PNPLA2: variants seen among roughly 807,000 people sequenced by gnomAD.
The protein encoded by PNPLA2 is patatin like domain 2, triacylglycerol lipase, also known as patatin-like phospholipase domain-containing protein 2.
In PNPLA2, 28 loss-of-function variants were observed where a neutral mutation model predicts 39.7. That is an observed-to-expected ratio of 0.70 (90% CI 0.52 to 0.97). The LOEUF (loss-of-function observed/expected upper bound fraction) is 0.97, where lower values mean the gene tolerates loss of function less well. Among genes scored for constraint, PNPLA2 ranks in the 50% least tolerant of loss-of-function variants. PNPLA2 has a pLI of 0.00. For missense variants in PNPLA2, 768 were observed against 698.2 expected (o/e 1.10, Z -1.13); for synonymous variants, 392 against 321.1 (o/e 1.22, Z -2.36).
At position 821,652 on chromosome 11, in the gene PNPLA2, A is replaced by C. The variant is rs948303808; in HGVS notation, c.212A>C (p.Glu71Ala). The C allele has an allele frequency of 5.0e-6, 8 of 1,613,732 alleles. No homozygotes were observed. Among genetic ancestry groups the C allele is most frequent in the Non-Finnish European group, 6.8e-6 (8 of 1,179,942 alleles). The change falls in exon 3 of 10, where the codon GAG (glutamate) becomes GCG (alanine). Residue 71 changes from glutamate to alanine, a missense_variant. Glu to Ala is a moderately radical substitution (Grantham distance 107). Transcript: ENST00000336615. ...CLGEAGAKFI[E>A]VSKEARKRFL... ...GGTGAGGCTGGTGCCAAGTTCATTG[A>C]GGTATCTAAAGAGGCCCGGAAGCGG...
chr11:819,455 G>A (rs1192931268), intron 1 of PNPLA2, 119 bp from the exon 2 acceptor site: 2 of 1,180,886 alleles, frequency 1.7e-6, no homozygotes, highest in African/African-American at 1.6e-5. Context: ...GGTCAAGGAC[G>A]GGGGCGGGTC....
chr11:823,943 G>C, intron 7 of PNPLA2, 55 bp from the exon 8 acceptor site: 1 of 1,549,910 alleles, frequency 6.5e-7, no homozygotes, highest in Non-Finnish European at 8.7e-7. Flanking sequence ...GGGAAGCCGA[G>C]CGGGTCCTGG....
rs1274843840 is a variant in PNPLA2, at chr11:824,804, C to A, written c.1457C>A (p.Pro486His). 1.8e-5 allele frequency: 28 copies of A among 1,534,482 alleles called. No homozygotes were observed. Among genetic ancestry groups the A allele is most frequent in the Non-Finnish European group, 2.3e-5 (26 of 1,146,030 alleles). Residue 486 changes from proline to histidine, a missense_variant, in exon 10 of 10, where the codon CCC becomes CAC. Coordinates refer to ENST00000336615, the MANE Select transcript of PNPLA2 (RefSeq NM_020376.4). ...CAGCACCAGCTGGCCGGGCCTGCCC[C>A]CTTGCTGAGCACCCCTGCTCCCGAG... ...SPQHQLAGPAPLLSTPAPEAR... is the reference protein window; with the variant it reads ...SPQHQLAGPAHLLSTPAPEAR...
In PNPLA2 at chr11:824,831, C is replaced by T. The variant is rs761924298; in HGVS notation, c.1484C>T (p.Ala495Val). 8 of 1,534,564 alleles carry T rather than the reference C, an allele frequency of 5.2e-6. No individual in the cohort carries two copies. The Middle Eastern group carries it at 8.4e-4, about 160-fold the overall frequency. Residue 495 changes from alanine to valine, a missense_variant, in exon 10 of 10, where the codon GCC becomes GTC. Coordinates refer to ENST00000336615, the MANE Select transcript of PNPLA2 (RefSeq NM_020376.4). ...TTGCTGAGCACCCCTGCTCCCGAGG[C>T]CCGGCCCGTGATCGGGGCCCTGGGG... ...APLLSTPAPE[A>V]RPVIGALGL
At chr11:820,044 C>A (rs1368757194) in intron 2 of PNPLA2, 139 bp downstream of exon 2, 2 of 591,580 alleles carry the variant, frequency 3.4e-6, no homozygotes, top group African/African-American at 2.0e-5. Context: ...CCTGGGGAAC[C>A]CGGCGAGGAT....
Position 824,339 on chromosome 11 carries a change from C to T in PNPLA2, c.1078C>T (p.Pro360Ser), listed in dbSNP as rs2133850792. 1.3e-6 allele frequency: 2 copies of T among 1,551,338 alleles called. No individual in the cohort carries two copies. Among genetic ancestry groups the T allele is most frequent in the South Asian group, 1.2e-5 (1 of 84,082 alleles). Reference sequence around the variant, plus strand: ...CTTGCTGGAGTGGCTGCCCGACGTTCCCGAGGACATCCGGTGGATGAAGGA... The same window carrying T: ...CTTGCTGGAGTGGCTGCCCGACGTTTCCGAGGACATCCGGTGGATGAAGGA... ...IRLLEWLPDV[P>S]EDIRWMKEQT... The change falls in exon 9 of 10, where the codon CCC becomes TCC. Residue 360 changes from proline to serine, a missense_variant. Pro to Ser is a moderately conservative substitution (Grantham distance 74). Coordinates refer to ENST00000336615, the MANE Select transcript of PNPLA2 (RefSeq NM_020376.4).
Position 825,152 on chromosome 11 carries a change from G to A in PNPLA2, c.*290G>A, listed in dbSNP as rs1462299709. 16 of 549,120 alleles carry A rather than the reference G, an allele frequency of 2.9e-5. 1 individual carries two copies. Among genetic ancestry groups the A allele is most frequent in the South Asian group, 2.5e-4 (12 of 47,846 alleles). 34.0% of individuals were successfully genotyped at this position (549,120 alleles called of 1,614,324 possible). A position where few individuals can be genotyped will look rare whatever the true frequency, so the allele number is the denominator to read the frequency against. On this transcript the variant is annotated 3_prime_UTR_variant, in exon 10 of 10. Coordinates refer to ENST00000336615, the MANE Select transcript of PNPLA2 (RefSeq NM_020376.4). Reference sequence around the variant, plus strand: ...CTTCCCTCCCCGTTTTTCATGGCCTGCTGAAATATGTGTGTGAAGAATTAT... The same window carrying A: ...CTTCCCTCCCCGTTTTTCATGGCCTACTGAAATATGTGTGTGAAGAATTAT...
chr11:824,373 G>C lies in PNPLA2; in HGVS notation c.1112G>C (p.Gly371Ala), dbSNP rs1253697310. The part of the protein sequence containing the change: ...EDIRWMKEQT[G>A]SICQYLVMRA... Reference sequence around the variant, plus strand: ...ATCCGGTGGATGAAGGAGCAGACGGGCAGCATCTGCCAGTACCTGGTGATG... The same window carrying C: ...ATCCGGTGGATGAAGGAGCAGACGGCCAGCATCTGCCAGTACCTGGTGATG... Residue 371 changes from glycine (G) to alanine (A), a missense_variant, in exon 9 of 10, where the codon GGC (glycine) becomes GCC (alanine). Transcript: ENST00000336615. 1.3e-6 allele frequency: 2 copies of C among 1,551,520 alleles called. No homozygotes were observed. Among genetic ancestry groups the C allele is most frequent in the Admixed American group, 3.9e-5 (2 of 51,166 alleles).
chr11:819,996 C>A, intron 2 of PNPLA2, 91 bp downstream of exon 2: 1 of 1,024,834 alleles, frequency 9.8e-7, no homozygotes, highest in Non-Finnish European at 1.3e-6. Flanking sequence ...GGCCCCGCGG[C>A]GAGTCGGTGG....
chr11:821,028 C>G (rs1414690140), intron 2 of PNPLA2: 1 of 170,874 alleles, frequency 5.9e-6, no homozygotes, highest in Admixed American at 5.5e-5. Flanking sequence ...CACTCCTGAC[C>G]AGGGTGATGC....
rs1190146091 is a variant in PNPLA2, at chr11:823,800, G to C, written c.864G>C (p.Ser288=). The change falls in exon 7 of 10, where the codon TCG becomes TCC. Residue 288 remains serine (S), a synonymous_variant. Coordinates refer to ENST00000336615, the MANE Select transcript of PNPLA2 (RefSeq NM_020376.4). ...AGAGCGCCCAAGCGGAGGATTACTC[G>C]CAGCTGCCCGGAGAAGATCACATCC... is the stretch of plus-strand genomic sequence containing the variant. ...AVESAQAEDY[S]QLPGEDHILE... is the part of the protein sequence containing the mutation. 4 of 1,604,288 alleles carry C rather than the reference G, an allele frequency of 2.5e-6. No individual in the cohort carries two copies. The highest frequency in any genetic ancestry group is 3.4e-6 in the Non-Finnish European group (4 of 1,176,566).
Position 822,438 on chromosome 11 carries a change from T to C in PNPLA2, c.528T>C (p.Tyr176=), listed in dbSNP as rs753011020. ...DGGISDNLPL[Y]ELKNTITVSP... is the part of the protein sequence containing the mutation. ...GCATTTCAGACAACCTGCCACTCTA[T>C]GAGCTTAAGAACACCATCACAGTGT... The change falls in exon 5 of 10, where the codon TAT becomes TAC. Residue 176 remains tyrosine, a synonymous_variant. Transcript: ENST00000336615. 40 of 1,613,980 alleles carry C rather than the reference T, an allele frequency of 2.5e-5. No individual in the cohort carries two copies. The East Asian group carries it at 8.9e-4, about 36-fold the overall frequency.
In PNPLA2 at chr11:822,462, G is replaced by A. The variant is rs1414963684; in HGVS notation, c.552G>A (p.Val184=). 5.0e-6 allele frequency: 8 copies of A among 1,614,090 alleles called. No individual in the cohort carries two copies. Among genetic ancestry groups the A allele is most frequent in the East Asian group, 4.5e-5 (2 of 44,886 alleles). Residue 184 remains valine (V), a synonymous_variant, in exon 5 of 10, where the codon GTG becomes GTA. Coordinates refer to ENST00000336615, the MANE Select transcript of PNPLA2 (RefSeq NM_020376.4). ...PLYELKNTIT[V]SPFSGESDIC... ...ATGAGCTTAAGAACACCATCACAGT[G>A]TCCCCCTTCTCGGGCGAGAGTGACA... is the stretch of plus-strand genomic sequence containing the variant.
rs775567777 is a variant in PNPLA2, at chr11:824,371, G to A, written c.1110G>A (p.Thr370=). 4 of 1,551,468 alleles carry A rather than the reference G, an allele frequency of 2.6e-6. No individual in the cohort carries two copies. Among genetic ancestry groups the A allele is most frequent in the East Asian group, 2.4e-5 (1 of 41,038 alleles). The stretch of plus-strand genomic sequence containing the variant: ...ACATCCGGTGGATGAAGGAGCAGAC[G>A]GGCAGCATCTGCCAGTACCTGGTGA... The part of the protein sequence containing the change: ...PEDIRWMKEQ[T]GSICQYLVMR... The change falls in exon 9 of 10, where the codon ACG becomes ACA. Residue 370 remains threonine (T), a synonymous_variant. Coordinates refer to ENST00000336615, the MANE Select transcript of PNPLA2 (RefSeq NM_020376.4).
chr11:823,639 C>G (rs868484125), intron 6 of PNPLA2, 52 bp downstream of exon 6: 1 of 1,600,750 alleles, frequency 6.2e-7, no homozygotes, highest in Non-Finnish European at 8.5e-7. Flanking sequence ...CTGCTACCCC[C>G]TGCGGGCCGC....
Position 824,407 on chromosome 11 carries a change from G to T in PNPLA2, c.1146G>T (p.Lys382Asn). 1 of 1,554,802 alleles carries T rather than the reference G, an allele frequency of 6.4e-7. No homozygotes were observed. Among genetic ancestry groups the T allele is most frequent in the South Asian group, 1.2e-5 (1 of 84,368 alleles). The change falls in exon 9 of 10, where the codon AAG (lysine) becomes AAT (asparagine). Residue 382 changes from lysine to asparagine, a missense_variant. By Grantham distance (94) the Lys-to-Asn change is moderately conservative. Transcript: ENST00000336615. ...GCCAGTACCTGGTGATGCGCGCCAA[G>T]AGGAAGCTGGGCAGGCACCTGCCCT... ...SICQYLVMRA[K>N]RKLGRHLPSR...
In PNPLA2 at chr11:821,952, C is replaced by T. The variant is rs1845680673; in HGVS notation, c.421-6C>T. ...CATTCTCTCCCACTCTGTCCCTGCC[C>T]TGAAGGCCAATGTCTGCAGCGGTTT... On this transcript the variant is annotated splice_region_variant and splice_polypyrimidine_tract_variant and intron_variant, in intron 3 of 9. Coordinates refer to ENST00000336615, the MANE Select transcript of PNPLA2 (RefSeq NM_020376.4). 6 of 1,613,958 alleles carry T rather than the reference C, an allele frequency of 3.7e-6. No homozygotes were observed. In the East Asian group the frequency reaches 1.3e-4, roughly 36 times the overall value.
chr11:819,398 C>A, intron 1 of PNPLA2, 176 bp from the exon 2 acceptor site: 1 of 978,060 alleles, frequency 1.0e-6, no homozygotes, highest in Non-Finnish European at 1.2e-6. Context: ...AGGGCAGAAG[C>A]TTTCTCCGGG....
chr11:819,213 T>C (rs1845584583), intron 1 of PNPLA2, among the ~76,000 whole-genome samples: 1 of 152,074 alleles, frequency 6.6e-6, no homozygotes, highest in Non-Finnish European at 1.5e-5. Context: ...CTGTCCCGGG[T>C]GGGTGTGGGA....
Sources: gnomAD v4.1 joint callset for allele counts (sites outside exome capture counted in the v4.1 genomes callset) on GRCh38, gnomAD v4.1.1 for gene constraint, MANE v1.5 for transcripts, NCBI Gene and HGNC (gene_info 2026-07-23, HGNC 2026-07-21) for gene names.